GAB2: variants seen among roughly 807,000 people sequenced by gnomAD.
The protein encoded by GAB2 is GRB2 associated binding protein 2, also known as GRB2-associated-binding protein 2.
GAB2 carries 26 observed loss-of-function variants against 65.5 expected under a neutral mutation model. The ratio of observed to expected loss-of-function variants is 0.40; its 90% CI spans 0.29 to 0.55. The LOEUF (loss-of-function observed/expected upper bound fraction) is 0.55, where lower values mean the gene tolerates loss of function less well. GAB2 is among the 20% of genes least tolerant of loss of function. The probability of loss-of-function intolerance (pLI) is 0.53; values close to 1 mark genes in which losing one functional copy is unlikely to be tolerated. For missense variants in GAB2, 884 were observed against 875.8 expected (o/e 1.01, Z -0.12); for synonymous variants, 321 against 329.6 (o/e 0.97, Z 0.28).
chr11:78,328,084 A>G (rs539287859), intron 1 of GAB2, among the ~76,000 whole-genome samples: 116 of 152,334 alleles, frequency 7.6e-4, no homozygotes, highest in African/African-American at 2.6e-3. Context: ...ACAAAGCCCT[A>G]TTACCCTCAC....
chr11:78,261,596 TCTC>T (rs1331377382), intron 2 of GAB2, among the ~76,000 whole-genome samples: 1 of 152,206 alleles, frequency 6.6e-6, no homozygotes, highest in African/African-American at 2.4e-5. Context: ...GGCAGACCCT[TCTC>T]CTGTTCCTTC....
chr11:78,250,016 A>T, intron 3 of GAB2, 141 bp downstream of exon 3: 1 of 906,744 alleles, frequency 1.1e-6, no homozygotes, highest in South Asian at 1.6e-5. Flanking sequence ...TACAGAAGCA[A>T]AAAATTATGT....
chr11:78,250,361 C>A lies in GAB2; in HGVS notation c.416G>T (p.Arg139Leu). The change falls in exon 3 of 10, where the codon CGC becomes CTC. Residue 139 changes from arginine (R) to leucine (L), a missense_variant. Physicochemically the swap from Arg to Leu is moderately radical, Grantham distance 102. Coordinates refer to ENST00000361507, the MANE Select transcript of GAB2 (RefSeq NM_080491.3). ...RNVSSAGHGP[R>L]SSPAELSSSS... ...GCTGCTGAGCTCAGCTGGAGAAGAG[C>A]GGGGGCCATGACCGGCTGAGGAAAC... is the stretch of plus-strand genomic sequence containing the variant. 6.2e-7 allele frequency: 1 copy of A among 1,612,784 alleles called. No homozygotes were observed. The highest frequency in any genetic ancestry group is 8.5e-7 in the Non-Finnish European group (1 of 1,179,458).
chr11:78,399,113 C>A (rs1354904137), intron 1 of GAB2, among the ~76,000 whole-genome samples: 1 of 152,130 alleles, frequency 6.6e-6, no homozygotes. Context: ...AAGAAGCCAG[C>A]ATAAAAATGG....
At chr11:78,315,180 T>C (rs1029509925) in intron 1 of GAB2, among the ~76,000 whole-genome samples, 1 of 152,218 alleles carries the variant, frequency 6.6e-6, no homozygotes, top group East Asian at 1.9e-4. Context: ...CACTTCAAAG[T>C]TCTGCTCACG....
chr11:78,359,106 G>C (rs1856400027), intron 1 of GAB2, among the ~76,000 whole-genome samples: 1 of 152,094 alleles, frequency 6.6e-6, no homozygotes, highest in Admixed American at 6.5e-5. Flanking sequence ...GTGGATGATA[G>C]AGTAAGAGGG....
intron 1 of GAB2, among the ~76,000 whole-genome samples, chr11:78,282,238 A>T (rs1866353679): frequency 6.6e-6 from 1 of 152,178 alleles, no homozygotes; most frequent in East Asian, 1.9e-4. Context: ...CTGTAAGCAG[A>T]CATTGCACAA....
rs554190184 is a variant in GAB2 at position 78,370,311 on chromosome 11, G to A, written c.75+47335C>T. On this transcript the variant is annotated intron_variant, in intron 1 of 9. Transcript: ENST00000361507. ...ACAATTGACCTATATATGCAAATAC[G>A]GAACTACACTCATGGTTTATTTTAT... 7.9e-5 allele frequency among the ~76,000 whole-genome samples: 12 copies of A among 151,440 alleles called. No individual in the cohort carries two copies. In the South Asian group the frequency reaches 1.9e-3, roughly 24 times the overall value.
chr11:78,361,384 A>G (rs940434589), intron 1 of GAB2, among the ~76,000 whole-genome samples: 2 of 152,158 alleles, frequency 1.3e-5, no homozygotes, highest in Non-Finnish European at 2.9e-5. Context: ...AACTATTTTC[A>G]AATCCTGCAT....
chr11:78,277,373 AC>A (rs1866200641), intron 2 of GAB2, among the ~76,000 whole-genome samples: 4 of 152,156 alleles, frequency 2.6e-5, no homozygotes, highest in Non-Finnish European at 4.4e-5. Flanking sequence ...CCCCCATCTC[AC>A]CAGGAATGTC....
In GAB2 at chr11:78,263,366, A is replaced by C. The variant is rs530901866; in HGVS notation, c.377-12966T>G. 1.3e-3 allele frequency among the ~76,000 whole-genome samples: 142 copies of C among 108,894 alleles called. 1 individual carries two copies. The highest frequency in any genetic ancestry group is 3.8e-3 in the African/African-American group (138 of 36,654). 71.4% of individuals were successfully genotyped at this position (108,894 alleles called of 152,430 possible). ...TTCAAGAGTCTGGCCGGGCGCAGTC[A>C]CTCACACCTGTAATCCCAGCATTTT... On this transcript the variant is annotated intron_variant, in intron 2 of 9. Transcript: ENST00000361507.
At chr11:78,326,913 C>T (rs1855832789) in intron 1 of GAB2, among the ~76,000 whole-genome samples, 2 of 152,096 alleles carry the variant, frequency 1.3e-5, no homozygotes, top group Admixed American at 1.3e-4. Context: ...AGAAGAAGGC[C>T]TAGAAGTAGG....
chr11:78,291,139 G>A (rs1591005279), intron 1 of GAB2, among the ~76,000 whole-genome samples: 1 of 152,106 alleles, frequency 6.6e-6, no homozygotes, highest in Non-Finnish European at 1.5e-5. Flanking sequence ...GTTGGGGAGT[G>A]TGACAGAAGA....
intron 1 of GAB2, among the ~76,000 whole-genome samples, chr11:78,343,453 G>C (rs961322890): frequency 6.6e-6 from 1 of 151,626 alleles, no homozygotes; most frequent in African/African-American, 2.4e-5. Context: ...GAGAAGGAGA[G>C]GGAGAGAGGA....
At chr11:78,339,971 T>A (rs1476511502) in intron 1 of GAB2, among the ~76,000 whole-genome samples, 1 of 152,244 alleles carries the variant, frequency 6.6e-6, no homozygotes, top group Admixed American at 6.5e-5. Flanking sequence ...TGAGTGCTTT[T>A]TTGACTACGG....
At chr11:78,270,518 T>G (rs1189631626) in intron 2 of GAB2, among the ~76,000 whole-genome samples, 1 of 152,150 alleles carries the variant, frequency 6.6e-6, no homozygotes, top group East Asian at 1.9e-4. Flanking sequence ...CCTTGGATTC[T>G]GGGCCCTTCC....
chr11:78,225,114 A>G lies in GAB2; in HGVS notation c.1296T>C (p.Ser432=). The change falls in exon 5 of 10, where the codon TCT becomes TCC. Residue 432 remains serine, a synonymous_variant. Coordinates refer to ENST00000361507, the MANE Select transcript of GAB2 (RefSeq NM_080491.3). ...SAESMSDGVG[S]FLPGKMIVGR... ...TGGGTTAACCCACACTCACCAGGAA[A>G]GAGCCAACTCCATCACTCATGGATT... 13 of 1,610,094 alleles carry G rather than the reference A, an allele frequency of 8.1e-6. No homozygotes were observed. Among genetic ancestry groups the G allele is most frequent in the Non-Finnish European group, 1.1e-5 (13 of 1,176,364 alleles).
rs181546129 is a variant in GAB2, at chr11:78,244,796, T to G, written c.620+5361A>C. ...CCAGAAGAAAAATAACAGATGCCAG[T>G]GAGGATGTGGAGAAAAGGGAACTCT... On this transcript the variant is annotated intron_variant, in intron 3 of 9. Transcript: ENST00000361507. Among the ~76,000 whole-genome samples the G allele has an allele frequency of 2.7e-3, 404 of 151,436 alleles. 3 individuals are homozygous for G. Among genetic ancestry groups the G allele is most frequent in the Middle Eastern group, 3.4e-3 (1 of 294 alleles).
chr11:78,367,287 T>A (rs567359969), intron 1 of GAB2, among the ~76,000 whole-genome samples: 1 of 152,260 alleles, frequency 6.6e-6, no homozygotes, highest in South Asian at 2.1e-4. Context: ...CAGACAAAAA[T>A]CCTGCCTTCG....
Sources: gnomAD v4.1 joint callset for allele counts (sites outside exome capture counted in the v4.1 genomes callset) on GRCh38, gnomAD v4.1.1 for gene constraint, MANE v1.5 for transcripts, NCBI Gene and HGNC (gene_info 2026-07-23, HGNC 2026-07-21) for gene names.